ROBO2: variants seen among roughly 807,000 people sequenced by gnomAD.
The protein encoded by ROBO2 is roundabout guidance receptor 2.
In ROBO2, 53 loss-of-function variants were observed where a neutral mutation model predicts 160.8. The ratio of observed to expected loss-of-function variants is 0.33; its 90% CI spans 0.26 to 0.41. ROBO2 has a LOEUF of 0.41. ROBO2 is among the 10% of genes least tolerant of loss of function. ROBO2 has a pLI of 1.00. For synonymous variants in ROBO2, 664 were observed against 611.7 expected (o/e 1.09, Z -1.26); for missense variants, 1,577 against 1,722.4 (o/e 0.92, Z 1.49).
intron 9 of ROBO2, among the ~76,000 whole-genome samples, chr3:77,561,633 G>A (rs909526372): frequency 1.3e-5 from 2 of 151,986 alleles, no homozygotes; most frequent in Non-Finnish European, 2.9e-5. Flanking sequence ...AGTTTTTATT[G>A]TGATCAAAAA....
intron 2 of ROBO2, among the ~76,000 whole-genome samples, chr3:76,463,213 GCACCCCGGGC>G (rs972365318): frequency 2.0e-5 from 3 of 152,004 alleles, no homozygotes; most frequent in African/African-American, 7.3e-5. Context: ...AGGACACTGT[GCACCCCGGGC>G]CACTCACACA....
intron 2 of ROBO2, among the ~76,000 whole-genome samples, chr3:76,146,061 C>T (rs552493587): frequency 1.3e-5 from 2 of 151,904 alleles, no homozygotes; most frequent in Non-Finnish European, 2.9e-5. Flanking sequence ...GATTCCATAG[C>T]GTTTGTAATT....
intron 2 of ROBO2, among the ~76,000 whole-genome samples, chr3:77,391,449 G>A (rs537935368): frequency 1.3e-5 from 2 of 151,808 alleles, no homozygotes; most frequent in Non-Finnish European, 2.9e-5. Flanking sequence ...TGGACTACAG[G>A]TGCACACCTG....
At chr3:76,624,397 T>C (rs2089459856) in intron 2 of ROBO2, among the ~76,000 whole-genome samples, 1 of 152,130 alleles carries the variant, frequency 6.6e-6, no homozygotes, top group African/African-American at 2.4e-5. Flanking sequence ...TTCAAGGTGC[T>C]TATAGAGCCA....
At chr3:76,467,991 G>T (rs965590970) in intron 2 of ROBO2, among the ~76,000 whole-genome samples, 2 of 152,192 alleles carry the variant, frequency 1.3e-5, no homozygotes, top group East Asian at 1.9e-4. Flanking sequence ...TAAATAGCAA[G>T]TTTTATCTCT....
chr3:76,328,304 C>G (rs1559771232), intron 2 of ROBO2, among the ~76,000 whole-genome samples: 1 of 152,104 alleles, frequency 6.6e-6, no homozygotes, highest in Non-Finnish European at 1.5e-5. Flanking sequence ...ATCCCATTAA[C>G]CAATTGGAAG....
At chr3:76,088,978 G>A (rs1242176269) in intron 2 of ROBO2, among the ~76,000 whole-genome samples, 2 of 152,012 alleles carry the variant, frequency 1.3e-5, no homozygotes, top group Admixed American at 6.5e-5. Flanking sequence ...GAGAGCACAC[G>A]AATTACCAAT....
At chr3:77,156,348 A>G (rs932650627) in intron 2 of ROBO2, among the ~76,000 whole-genome samples, 1 of 152,032 alleles carries the variant, frequency 6.6e-6, no homozygotes, top group Non-Finnish European at 1.5e-5. Flanking sequence ...CATATGAATC[A>G]TTTTGTATTT....
chr3:77,216,837 T>A (rs1560262315), intron 2 of ROBO2, among the ~76,000 whole-genome samples: 1 of 151,826 alleles, frequency 6.6e-6, no homozygotes. Context: ...GAATGCCATA[T>A]TTTTTTCAAA....
intron 2 of ROBO2, among the ~76,000 whole-genome samples, chr3:76,932,321 T>C (rs1211789581): frequency 6.6e-6 from 1 of 151,998 alleles, no homozygotes; most frequent in Non-Finnish European, 1.5e-5. Flanking sequence ...AAAAGAACAT[T>C]TATTCCATAC....
intron 24 of ROBO2, among the ~76,000 whole-genome samples, chr3:77,637,530 C>A (rs1559779722): frequency 6.6e-6 from 1 of 152,122 alleles, no homozygotes; most frequent in Non-Finnish European, 1.5e-5. Flanking sequence ...TAAAAATGGT[C>A]ACCACTGCCT....
At chr3:77,072,058 A>G (rs7651553) in intron 1 of ROBO2, among the ~76,000 whole-genome samples, 256 of 152,178 alleles carry the variant, frequency 1.7e-3, no homozygotes, top group African/African-American at 5.9e-3. Context: ...CCTCGTTCGC[A>G]TTACCACCTG....
At chr3:76,823,483 G>A (rs1350039047) in intron 2 of ROBO2, among the ~76,000 whole-genome samples, 2 of 152,160 alleles carry the variant, frequency 1.3e-5, no homozygotes, top group Non-Finnish European at 2.9e-5. Context: ...AGGTGTTCAA[G>A]ACAGGAGGGT....
chr3:76,520,631 A>G (rs1373386005), intron 2 of ROBO2, among the ~76,000 whole-genome samples: 1 of 152,162 alleles, frequency 6.6e-6, no homozygotes, highest in Non-Finnish European at 1.5e-5. Flanking sequence ...AATGTGACCA[A>G]TCTTTTAGTC....
At chr3:76,316,982 T>A (rs187576030) in intron 2 of ROBO2, among the ~76,000 whole-genome samples, 1 of 152,326 alleles carries the variant, frequency 6.6e-6, no homozygotes, top group Admixed American at 6.5e-5. Flanking sequence ...AACTTCCAGA[T>A]AAAATGCTTC....
intron 2 of ROBO2, among the ~76,000 whole-genome samples, chr3:76,117,853 C>T (rs940195415): frequency 8.6e-5 from 13 of 151,964 alleles, no homozygotes; most frequent in African/African-American, 3.1e-4. Flanking sequence ...ATCACTTTCA[C>T]AGGAAAAGAG....
chr3:77,121,207 A>G (rs966950119), intron 2 of ROBO2, among the ~76,000 whole-genome samples: 3 of 152,038 alleles, frequency 2.0e-5, no homozygotes, highest in Non-Finnish European at 4.4e-5. Context: ...GGCCTCCCAA[A>G]GTGCTGTGAT....
intron 2 of ROBO2, among the ~76,000 whole-genome samples, chr3:76,936,561 T>C (rs2077714545): frequency 6.6e-6 from 1 of 151,908 alleles, no homozygotes; most frequent in Admixed American, 6.6e-5. Context: ...AAGCAAGGAC[T>C]GATAAATTAA....
At chr3:77,552,169 C>G (rs2092943732) in intron 8 of ROBO2, among the ~76,000 whole-genome samples, 1 of 151,986 alleles carries the variant, frequency 6.6e-6, no homozygotes, top group Non-Finnish European at 1.5e-5. Flanking sequence ...TTAAAAAGAT[C>G]TTATGTTTTC....
Sources: allele counts gnomAD v4.1 joint callset (sites outside exome capture counted in the v4.1 genomes callset), GRCh38; gene constraint gnomAD v4.1.1; transcripts MANE v1.5; gene names NCBI Gene and HGNC (gene_info 2026-07-23, HGNC 2026-07-21).